Variants in ASTN2 observed in about 807,000 individuals in gnomAD.
ASTN2 encodes astrotactin-2.
ASTN2 carries 54 observed loss-of-function variants against 139.8 expected under a neutral mutation model. That is an observed-to-expected ratio of 0.39 (90% CI 0.31 to 0.48). The LOEUF is 0.48. ASTN2 is among the 20% of genes least tolerant of loss of function. ASTN2 has a pLI of 0.95. For synonymous variants in ASTN2, 756 were observed against 719.5 expected (o/e 1.05, Z -0.81); for missense variants, 1,565 against 1,725.1 (o/e 0.91, Z 1.64).
chr9:117,337,652 C>A (rs1407292420), intron 1 of ASTN2, among the ~76,000 whole-genome samples: 1 of 152,120 alleles, frequency 6.6e-6, no homozygotes, highest in East Asian at 1.9e-4. Flanking sequence ...ATTTTTACTG[C>A]TGGGATTCCC....
intron 5 of ASTN2, among the ~76,000 whole-genome samples, chr9:117,048,957 C>T (rs1197927576): frequency 1.4e-5 from 1 of 70,484 alleles, no homozygotes; most frequent in East Asian, 5.0e-4. Context: ...GATTCTTCAT[C>T]CATTGCTTTT....
At chr9:116,705,407 C>T (rs1230605647) in intron 16 of ASTN2, among the ~76,000 whole-genome samples, 1 of 152,178 alleles carries the variant, frequency 6.6e-6, no homozygotes, top group Admixed American at 6.5e-5. Context: ...TACTAACTCA[C>T]TGAAATCTTG....
At chr9:116,509,763 TGATGA>T (rs1237164716) in intron 19 of ASTN2, among the ~76,000 whole-genome samples, 2 of 152,238 alleles carry the variant, frequency 1.3e-5, no homozygotes, top group East Asian at 3.8e-4. Flanking sequence ...TGGCTAGTGA[TGATGA>T]GCATTTTTGC....
At chr9:117,352,114 T>C (rs923589111) in intron 1 of ASTN2, among the ~76,000 whole-genome samples, 15 of 152,158 alleles carry the variant, frequency 9.9e-5, no homozygotes, top group Non-Finnish European at 2.9e-5. Flanking sequence ...AACAGTCCCT[T>C]GAATCTCACA....
intron 17 of ASTN2, among the ~76,000 whole-genome samples, chr9:116,644,469 C>T (rs1448169008): frequency 1.3e-5 from 2 of 152,040 alleles, no homozygotes; most frequent in African/African-American, 2.4e-5. Context: ...GGAAAGTTAC[C>T]ACCACCCATT....
At chr9:116,906,736 G>A (rs1188395051) in intron 10 of ASTN2, among the ~76,000 whole-genome samples, 6 of 152,150 alleles carry the variant, frequency 3.9e-5, no homozygotes, top group Admixed American at 3.3e-4. Flanking sequence ...CTCAGGGAGT[G>A]TGAGTTGAGA....
At chr9:117,398,354 G>A (rs1830732969) in intron 1 of ASTN2, among the ~76,000 whole-genome samples, 1 of 152,154 alleles carries the variant, frequency 6.6e-6, no homozygotes, top group African/African-American at 2.4e-5. Flanking sequence ...TTTGGACATA[G>A]TGCCATCCTT....
At chr9:117,155,240 A>G (rs1460254524) in intron 3 of ASTN2, among the ~76,000 whole-genome samples, 3 of 152,042 alleles carry the variant, frequency 2.0e-5, no homozygotes, top group Non-Finnish European at 4.4e-5. Flanking sequence ...TATTATAGAT[A>G]ACTCCTTTCT....
chr9:117,413,956 T>TC (rs1435856806), intron 1 of ASTN2, among the ~76,000 whole-genome samples: 4 of 152,012 alleles, frequency 2.6e-5, no homozygotes, highest in African/African-American at 9.7e-5. Context: ...TTGGCCAAGG[T>TC]CACTCAGCCC....
At chr9:116,754,961 C>T (rs377554191) in intron 13 of ASTN2, among the ~76,000 whole-genome samples, 30 of 152,230 alleles carry the variant, frequency 2.0e-4, no homozygotes, top group African/African-American at 6.5e-4. Context: ...CAGAGTAGAA[C>T]CTGGACACGG....
chr9:117,350,897 G>A (rs1314788207), intron 1 of ASTN2, among the ~76,000 whole-genome samples: 1 of 152,186 alleles, frequency 6.6e-6, no homozygotes, highest in East Asian at 1.9e-4. Context: ...ACAAAGTGGA[G>A]ATAACAGCAC....
intron 5 of ASTN2, among the ~76,000 whole-genome samples, chr9:117,093,986 C>T (rs1445630126): frequency 6.6e-6 from 1 of 152,174 alleles, no homozygotes; most frequent in Non-Finnish European, 1.5e-5. Context: ...ATAATACAAA[C>T]CCCACAAGAG....
At chr9:117,262,577 G>T (rs777846080) in intron 2 of ASTN2, among the ~76,000 whole-genome samples, 2 of 152,006 alleles carry the variant, frequency 1.3e-5, no homozygotes, top group Non-Finnish European at 2.9e-5. Context: ...CCCAGAGTTG[G>T]CCAACTGGAG....
At chr9:116,748,593 G>A (rs1829314869) in intron 13 of ASTN2, among the ~76,000 whole-genome samples, 1 of 152,204 alleles carries the variant, frequency 6.6e-6, no homozygotes, top group South Asian at 2.1e-4. Context: ...TCAAGGGCAA[G>A]GCCTGGACTC....
chr9:117,202,321 G>T (rs1831753061), intron 3 of ASTN2, among the ~76,000 whole-genome samples: 1 of 152,006 alleles, frequency 6.6e-6, no homozygotes, highest in Non-Finnish European at 1.5e-5. Flanking sequence ...TTTTAATTGG[G>T]GCATTTAGTC....
Position 116,806,809 on chromosome 9 carries a change from CA to C in ASTN2, c.2208-990del, listed in dbSNP as rs532094567. Among the ~76,000 whole-genome samples, 183 of 152,202 alleles carry C rather than the reference CA, an allele frequency of 1.2e-3. 1 individual carries two copies. Among genetic ancestry groups the C allele is most frequent in the Admixed American group, 7.1e-3 (109 of 15,290 alleles). Reference sequence around the variant, plus strand: ...TTGGCCACAAAAAAAACAGGAATTGCAATATACTTAACACAATAATCATAAT... The same window carrying C: ...TTGGCCACAAAAAAAACAGGAATTGCATATACTTAACACAATAATCATAAT... On this transcript the variant is annotated intron_variant, in intron 12 of 22. Transcript: ENST00000313400.
intron 19 of ASTN2, among the ~76,000 whole-genome samples, chr9:116,514,387 T>A (rs904430947): frequency 1.3e-5 from 2 of 151,856 alleles, no homozygotes; most frequent in Admixed American, 1.3e-4. Flanking sequence ...GTTACCCAGC[T>A]GTGTGAGGTG....
At chr9:117,143,675 C>A (rs1191631497) in intron 3 of ASTN2, among the ~76,000 whole-genome samples, 2 of 152,152 alleles carry the variant, frequency 1.3e-5, no homozygotes, top group East Asian at 3.9e-4. Context: ...ATTTTTTTCA[C>A]AGTTATGGAG....
chr9:117,291,907 T>C (rs541456858), intron 1 of ASTN2, among the ~76,000 whole-genome samples: 2 of 151,782 alleles, frequency 1.3e-5, no homozygotes, highest in Admixed American at 1.3e-4. Flanking sequence ...GAGTTGAGAG[T>C]GTGGATTCTT....
Sources: allele counts gnomAD v4.1 joint callset (sites outside exome capture counted in the v4.1 genomes callset), GRCh38; gene constraint gnomAD v4.1.1; transcripts MANE v1.5; gene names NCBI Gene and HGNC (gene_info 2026-07-23, HGNC 2026-07-21).